Variants in TAX1BP1 observed in about 807,000 individuals in gnomAD.
TAX1BP1 encodes the protein Tax1 binding protein 1, also known as tax1-binding protein 1.
Under a neutral mutation model 97.7 loss-of-function variants are expected in TAX1BP1, and 62 were observed. The ratio of observed to expected loss-of-function variants is 0.63; its 90% CI spans 0.52 to 0.78. TAX1BP1 has a LOEUF of 0.78. Among genes scored for constraint, TAX1BP1 ranks in the 30% least tolerant of loss-of-function variants. The probability of loss-of-function intolerance (pLI) is 0.00; values close to 1 mark genes in which losing one functional copy is unlikely to be tolerated. For synonymous variants in TAX1BP1, 340 were observed against 304.2 expected, an observed-to-expected ratio of 1.12 and a Z score of -1.23; for missense variants, 867 against 916.1, an observed-to-expected ratio of 0.95 and a Z score of 0.69.
chr7:27,792,846 C>T (rs190154916), intron 9 of TAX1BP1, among the ~76,000 whole-genome samples: 47 of 152,054 alleles, frequency 3.1e-4, no homozygotes, highest in Non-Finnish European at 5.3e-4. Context: ...AGCTGTAGTC[C>T]CAGCTAGTCC....
At chr7:27,767,338 T>C (rs2128311862) in intron 4 of TAX1BP1, among the ~76,000 whole-genome samples, 1 of 152,288 alleles carries the variant, frequency 6.6e-6, no homozygotes, top group South Asian at 2.1e-4. Flanking sequence ...TTAATACCTT[T>C]GATTTTACTT....
intron 15 of TAX1BP1, among the ~76,000 whole-genome samples, chr7:27,825,993 T>A (rs1791164084): frequency 6.6e-6 from 1 of 152,208 alleles, no homozygotes; most frequent in African/African-American, 2.4e-5. Flanking sequence ...GAAAATTTTG[T>A]TCCTTATCAC....
At chr7:27,790,564 A>G (rs1359364484) in intron 8 of TAX1BP1, among the ~76,000 whole-genome samples, 1 of 151,934 alleles carries the variant, frequency 6.6e-6, no homozygotes. Context: ...GTAGTATATC[A>G]TAGTTTATCA....
At chr7:27,755,579 T>C (rs1232664474) in intron 2 of TAX1BP1, among the ~76,000 whole-genome samples, 1 of 152,256 alleles carries the variant, frequency 6.6e-6, no homozygotes, top group Admixed American at 6.5e-5. Flanking sequence ...CAACATGTTT[T>C]TCTGAAATGT....
intron 3 of TAX1BP1, among the ~76,000 whole-genome samples, chr7:27,763,011 A>G (rs747773907): frequency 6.6e-6 from 1 of 152,194 alleles, no homozygotes; most frequent in African/African-American, 2.4e-5. Context: ...TGAAAATTCA[A>G]CAGTTCATTT....
chr7:27,798,663 CA>C (rs34078205), intron 12 of TAX1BP1, among the ~76,000 whole-genome samples: 113 of 72,288 alleles, frequency 1.6e-3, no homozygotes, highest in Admixed American at 2.8e-3. Flanking sequence ...GACTCTGTCT[CA>C]AAAAAAAAAA....
intron 12 of TAX1BP1, among the ~76,000 whole-genome samples, chr7:27,797,848 T>C (rs1283951874): frequency 6.6e-6 from 1 of 151,868 alleles, no homozygotes; most frequent in Admixed American, 6.6e-5. Flanking sequence ...AGGGTGCTTT[T>C]TTTTTTTTTT....
At chr7:27,761,978 T>A (rs941805993) in intron 3 of TAX1BP1, among the ~76,000 whole-genome samples, 1 of 152,242 alleles carries the variant, frequency 6.6e-6, no homozygotes, top group East Asian at 1.9e-4. Context: ...CTCCACATTT[T>A]CAGCAGCATT....
intron 3 of TAX1BP1, among the ~76,000 whole-genome samples, chr7:27,760,379 T>A (rs915968597): frequency 1.3e-5 from 2 of 149,994 alleles, no homozygotes; most frequent in East Asian, 4.0e-4. Context: ...ACATTTCTAG[T>A]ATTATTTATT....
rs115468552 is a variant in TAX1BP1 at position 27,741,371 on chromosome 7, G to T, written c.-8+1102G>T. 5.4e-3 allele frequency among the ~76,000 whole-genome samples: 824 copies of T among 152,312 alleles called. 9 individuals are homozygous for T. Among genetic ancestry groups the T allele is most frequent in the African/African-American group, 0.019 (783 of 41,578 alleles). On this transcript the variant is annotated intron_variant, in intron 1 of 16. Coordinates refer to ENST00000396319, the MANE Select transcript of TAX1BP1 (RefSeq NM_006024.7). ...TAGGACAGCCTTTCTCTTTCGTTCT[G>T]TTCCTTTCAAGGGTAAACTTGAAGG... is the stretch of plus-strand genomic sequence containing the variant.
chr7:27,758,015 T>C lies in TAX1BP1; in HGVS notation c.163-16T>C. 6.3e-7 allele frequency: 1 copy of C among 1,583,658 alleles called. No individual in the cohort carries two copies. The highest frequency in any genetic ancestry group is 8.6e-7 in the Non-Finnish European group (1 of 1,159,876). On this transcript the variant is annotated splice_polypyrimidine_tract_variant and intron_variant, in intron 2 of 16. Coordinates refer to ENST00000396319, the MANE Select transcript of TAX1BP1 (RefSeq NM_006024.7). ...TATTTGCTTATAAATCCGCCTTTTT[T>C]GTTATTTCCCTTTAGGTTGGATGGA...
At position 27,816,430 on chromosome 7, in the gene TAX1BP1, T is replaced by A; in HGVS notation, c.1846T>A (p.Cys616Ser). Reference protein sequence around the residue: ...NSQSPQCFKTCSEQNGYVLTL... With the variant: ...NSQSPQCFKTSSEQNGYVLTL... ...CCAGAGTCCTCAATGTTTCAAAACA[T>A]GCTCAGAGCAAAATGGTTATGTTCT... The change falls in exon 14 of 17, where the codon TGC (cysteine) becomes AGC (serine). Residue 616 changes from cysteine (C) to serine (S), a missense_variant. By Grantham distance (112) the Cys-to-Ser change is moderately radical (BLOSUM62 -1). Coordinates refer to ENST00000396319, the MANE Select transcript of TAX1BP1 (RefSeq NM_006024.7). 2 of 1,576,608 alleles carry A rather than the reference T, an allele frequency of 1.3e-6. No individual in the cohort carries two copies. The highest frequency in any genetic ancestry group is 1.7e-6 in the Non-Finnish European group (2 of 1,169,168).
At chr7:27,813,743 T>C (rs966241158) in intron 13 of TAX1BP1, among the ~76,000 whole-genome samples, 12 of 152,110 alleles carry the variant, frequency 7.9e-5, no homozygotes, top group Non-Finnish European at 1.5e-4. Context: ...TGAAAATCAG[T>C]GAGAAACAGG....
intron 2 of TAX1BP1, among the ~76,000 whole-genome samples, chr7:27,749,829 A>G (rs762827801): frequency 8.5e-5 from 13 of 152,086 alleles, no homozygotes; most frequent in Non-Finnish European, 1.5e-4. Flanking sequence ...GTCTTATTCT[A>G]TCACTCAGGC....
intron 1 of TAX1BP1, among the ~76,000 whole-genome samples, chr7:27,741,905 CA>C (rs1164679058): frequency 2.0e-5 from 3 of 152,136 alleles, no homozygotes; most frequent in African/African-American, 7.2e-5. Context: ...GGTCAGCAGA[CA>C]AACACGTGAA....
intron 3 of TAX1BP1, among the ~76,000 whole-genome samples, chr7:27,762,104 G>A (rs1295439751): frequency 6.6e-6 from 1 of 152,132 alleles, no homozygotes; most frequent in Non-Finnish European, 1.5e-5. Flanking sequence ...TGAGTTCATG[G>A]AACTTGCATA....
intron 7 of TAX1BP1, among the ~76,000 whole-genome samples, chr7:27,786,546 A>G (rs1036272639): frequency 1.3e-5 from 2 of 152,164 alleles, no homozygotes; most frequent in Non-Finnish European, 2.9e-5. Flanking sequence ...TCCTGAAGGC[A>G]ATTCCAGATG....
intron 13 of TAX1BP1, among the ~76,000 whole-genome samples, chr7:27,801,968 A>G (rs1411503903): frequency 6.6e-6 from 1 of 152,232 alleles, no homozygotes; most frequent in Non-Finnish European, 1.5e-5. Context: ...CTTTGAAAGA[A>G]CAAACTGGAG....
chr7:27,756,195 A>C (rs1406152316), intron 2 of TAX1BP1, among the ~76,000 whole-genome samples: 1 of 151,916 alleles, frequency 6.6e-6, no homozygotes, highest in African/African-American at 2.4e-5. Flanking sequence ...AGTATTATCC[A>C]CTCTAGCATA....
Sources: gnomAD v4.1 joint callset for allele counts (sites outside exome capture counted in the v4.1 genomes callset) on GRCh38, gnomAD v4.1.1 for gene constraint, MANE v1.5 for transcripts, NCBI Gene and HGNC (gene_info 2026-07-23, HGNC 2026-07-21) for gene names.